The following CNTNAP2 variants were observed in gnomAD, a reference collection of about 807,000 sequenced individuals.
CNTNAP2 encodes contactin associated protein 2.
CNTNAP2 carries 98 observed loss-of-function variants against 155.2 expected under a neutral mutation model. That is an observed-to-expected ratio of 0.63 (90% CI 0.54 to 0.75). The LOEUF (loss-of-function observed/expected upper bound fraction) is 0.75, where lower values mean the gene tolerates loss of function less well. Among genes scored for constraint, CNTNAP2 ranks in the 30% least tolerant of loss-of-function variants. The pLI, the probability that CNTNAP2 is intolerant of heterozygous loss-of-function variation, is 0.00. For synonymous variants in CNTNAP2, 651 were observed against 631.2 expected, an observed-to-expected ratio of 1.03 and a Z score of -0.47; for missense variants, 1,727 against 1,688.1, an observed-to-expected ratio of 1.02 and a Z score of -0.40.
intron 14 of CNTNAP2, among the ~76,000 whole-genome samples, chr7:147,948,722 C>T (rs1426888533): frequency 6.6e-6 from 1 of 150,958 alleles, no homozygotes; most frequent in African/African-American, 2.4e-5. Context: ...GGGGTTAGGG[C>T]TATGTCCTGC....
chr7:147,298,657 G>A (rs1794883107), intron 8 of CNTNAP2, among the ~76,000 whole-genome samples: 1 of 152,192 alleles, frequency 6.6e-6, no homozygotes, highest in Admixed American at 6.5e-5. Context: ...AGGAGCACAT[G>A]TAGTAAATAG....
intron 2 of CNTNAP2, among the ~76,000 whole-genome samples, chr7:146,778,505 C>A (rs532202223): frequency 1.4e-4 from 21 of 152,224 alleles, no homozygotes; most frequent in African/African-American, 5.1e-4. Flanking sequence ...CACCTTATTC[C>A]TGTGATCTGT....
intron 2 of CNTNAP2, among the ~76,000 whole-genome samples, chr7:146,791,889 T>C (rs1802679830): frequency 6.6e-6 from 1 of 152,196 alleles, no homozygotes; most frequent in Non-Finnish European, 1.5e-5. Context: ...TGGATTAATG[T>C]AGATTTTAGG....
chr7:147,565,826 A>T (rs1276343022), intron 12 of CNTNAP2, among the ~76,000 whole-genome samples: 1 of 152,184 alleles, frequency 6.6e-6, no homozygotes, highest in African/African-American at 2.4e-5. Context: ...GCCATGTGCC[A>T]TCTAAACTGA....
intron 1 of CNTNAP2, among the ~76,000 whole-genome samples, chr7:146,374,759 C>T (rs184436604): frequency 6.6e-6 from 1 of 152,200 alleles, no homozygotes; most frequent in Non-Finnish European, 1.5e-5. Flanking sequence ...GCCATTCATA[C>T]GGATTAAAAT....
chr7:146,306,001 A>G (rs1341960993), intron 1 of CNTNAP2, among the ~76,000 whole-genome samples: 1 of 152,088 alleles, frequency 6.6e-6, no homozygotes, highest in Non-Finnish European at 1.5e-5. Flanking sequence ...GACCGCTAGC[A>G]AGACAAATAA....
chr7:146,741,356 T>C (rs1801713189), intron 1 of CNTNAP2, among the ~76,000 whole-genome samples: 2 of 152,194 alleles, frequency 1.3e-5, no homozygotes, highest in Non-Finnish European at 2.9e-5. Context: ...AAGGCATTTT[T>C]GACTGCTCAT....
intron 1 of CNTNAP2, among the ~76,000 whole-genome samples, chr7:146,269,665 T>G (rs1185829845): frequency 6.6e-6 from 1 of 152,206 alleles, no homozygotes; most frequent in Non-Finnish European, 1.5e-5. Context: ...AGAAGAAAAT[T>G]ACTGTTCAAC....
chr7:146,846,463 T>A (rs999995776), intron 3 of CNTNAP2, among the ~76,000 whole-genome samples: 1 of 152,200 alleles, frequency 6.6e-6, no homozygotes, highest in African/African-American at 2.4e-5. Flanking sequence ...GTGAAATAGA[T>A]TTTTCTGTTT....
chr7:147,482,278 C>G (rs1798434557), intron 10 of CNTNAP2, among the ~76,000 whole-genome samples: 1 of 151,970 alleles, frequency 6.6e-6, no homozygotes, highest in East Asian at 1.9e-4. Context: ...TTTTGTTTTG[C>G]TTGGTAACTG....
intron 13 of CNTNAP2, among the ~76,000 whole-genome samples, chr7:147,854,018 G>A (rs1798995258): frequency 6.6e-6 from 1 of 152,162 alleles, no homozygotes; most frequent in Non-Finnish European, 1.5e-5. Flanking sequence ...ATTCAAGCTT[G>A]TTGCTAGTGG....
At chr7:147,422,103 G>GTA (rs3050514) in intron 10 of CNTNAP2, among the ~76,000 whole-genome samples, 38,849 of 138,700 alleles carry the variant, frequency 0.28, 5,843 homozygotes, top group East Asian at 0.66. Flanking sequence ...TATATATACA[G>GTA]TATATATATA....
At chr7:146,988,561 ATT>A (rs1357189493) in intron 3 of CNTNAP2, among the ~76,000 whole-genome samples, 1 of 152,110 alleles carries the variant, frequency 6.6e-6, no homozygotes, top group Non-Finnish European at 1.5e-5. Context: ...AAAATGACTT[ATT>A]TGGGTAGGGG....
At chr7:147,443,150 G>T (rs955165010) in intron 10 of CNTNAP2, among the ~76,000 whole-genome samples, 1 of 152,094 alleles carries the variant, frequency 6.6e-6, no homozygotes, top group Non-Finnish European at 1.5e-5. Context: ...GGGCCTCAGG[G>T]CACTTTAGCC....
At chr7:147,557,850 C>T (rs920088482) in intron 11 of CNTNAP2, among the ~76,000 whole-genome samples, 8 of 152,174 alleles carry the variant, frequency 5.3e-5, no homozygotes, top group Admixed American at 2.6e-4. Context: ...ATAGCAAAGC[C>T]GCAATTACTT....
At chr7:147,926,426 C>G (rs1197766243) in intron 14 of CNTNAP2, among the ~76,000 whole-genome samples, 1 of 152,170 alleles carries the variant, frequency 6.6e-6, no homozygotes, top group Admixed American at 6.5e-5. Context: ...ATAAAACTGT[C>G]AAAGTTTACC....
chr7:146,906,575 A>G (rs1796133314), intron 3 of CNTNAP2, among the ~76,000 whole-genome samples: 1 of 151,962 alleles, frequency 6.6e-6, no homozygotes. Flanking sequence ...ATTCCAACAG[A>G]CCTGCAGCTG....
intron 3 of CNTNAP2, among the ~76,000 whole-genome samples, chr7:146,865,433 G>T (rs1043609232): frequency 2.0e-5 from 3 of 152,092 alleles, no homozygotes; most frequent in African/African-American, 7.2e-5. Flanking sequence ...AGATAGTCTT[G>T]TATAGCTGTA....
chr7:148,036,203 G>A (rs1174298675), intron 15 of CNTNAP2, among the ~76,000 whole-genome samples: 1 of 152,206 alleles, frequency 6.6e-6, no homozygotes, highest in East Asian at 1.9e-4. Context: ...TGGGATGAGT[G>A]AAGAGTTTAG....
Sources: allele counts gnomAD v4.1 joint callset (sites outside exome capture counted in the v4.1 genomes callset), GRCh38; gene constraint gnomAD v4.1.1; transcripts MANE v1.5; gene names NCBI Gene and HGNC (gene_info 2026-07-23, HGNC 2026-07-21).